HSD11B1: variants seen among roughly 807,000 people sequenced by gnomAD.
HSD11B1 encodes the protein 11-beta-hydroxysteroid dehydrogenase 1.
HSD11B1 carries 15 observed loss-of-function variants against 22.1 expected under a neutral mutation model. The ratio of observed to expected loss-of-function variants is 0.68; its 90% CI spans 0.45 to 1.04. HSD11B1 has a LOEUF of 1.04. HSD11B1 is among the 50% of genes least tolerant of loss of function. The pLI, the probability that HSD11B1 is intolerant of heterozygous loss-of-function variation, is 0.00. For missense variants in HSD11B1, 281 were observed against 357.6 expected (o/e 0.79, Z 1.73); for synonymous variants, 122 against 125.2 (o/e 0.97, Z 0.17).
At chr1:209,692,730 C>A (rs1211106086) in intron 1 of HSD11B1, among the ~76,000 whole-genome samples, 3 of 151,342 alleles carry the variant, frequency 2.0e-5, no homozygotes, top group African/African-American at 7.3e-5. Flanking sequence ...TAAAGTTTGG[C>A]CAGAAAAATC....
chr1:209,726,703 T>A (rs1319488921), intron 4 of HSD11B1, among the ~76,000 whole-genome samples: 5 of 152,232 alleles, frequency 3.3e-5, no homozygotes, highest in Non-Finnish European at 5.9e-5. Context: ...TCTTCTGCTT[T>A]CACTTTCTCT....
At position 209,690,621 on chromosome 1, in the gene HSD11B1, C is replaced by T. The variant is rs369533662; in HGVS notation, c.-49+4336C>T. 2.0e-4 allele frequency among the ~76,000 whole-genome samples: 30 copies of T among 151,988 alleles called. No individual in the cohort carries two copies. The East Asian group carries it at 3.9e-3, about 20-fold the overall frequency. ...CTGAGGCAGGAGAACCGCTTGAACCCGGAAGGCAGAGGTTGCAGGGAGCCA... is the reference window on the plus strand; with the variant it reads ...CTGAGGCAGGAGAACCGCTTGAACCTGGAAGGCAGAGGTTGCAGGGAGCCA... On this transcript the variant is annotated intron_variant, in intron 1 of 6. Transcript: ENST00000261465.
rs2076952119 is a variant in HSD11B1, at chr1:209,719,544, C to A, written c.517+12416C>A. On this transcript the variant is annotated intron_variant, in intron 4 of 5. Transcript: ENST00000367027. ...CAGTAATATGAATGTACTGAATGCC[C>A]CCGAACTGTCCGCTTAAAAATGGTT... is the stretch of plus-strand genomic sequence containing the variant. 4.6e-5 allele frequency among the ~76,000 whole-genome samples: 7 copies of A among 152,174 alleles called. 1 individual carries two copies. In the South Asian group the frequency reaches 1.5e-3, roughly 32 times the overall value.
intron 4 of HSD11B1, among the ~76,000 whole-genome samples, chr1:209,711,540 C>T (rs1275132571): frequency 6.6e-6 from 1 of 152,100 alleles, no homozygotes; most frequent in African/African-American, 2.4e-5. Context: ...TAAGCATTTA[C>T]ATGAGGGATG....
chr1:209,734,388 G>T lies in HSD11B1; in HGVS notation c.746G>T (p.Gly249Val). 1 of 1,614,136 alleles carries T rather than the reference G, an allele frequency of 6.2e-7. No individual in the cohort carries two copies. The highest frequency in any genetic ancestry group is 1.1e-5 in the South Asian group (1 of 91,078). ...TGTGCCCTGGAGATCATCAAAGGGG[G>T]AGCTCTGCGCCAAGAAGAAGTGTAT... ...EECALEIIKGGALRQEEVYYD... is the reference protein window; with the variant it reads ...EECALEIIKGVALRQEEVYYD... The change falls in exon 6 of 6, where the codon GGA (glycine) becomes GTA (valine). Residue 249 changes from glycine (G) to valine (V), a missense_variant. Transcript: ENST00000367027.
Position 209,706,024 on chromosome 1 carries a change from A to G in HSD11B1, c.219+83A>G. 1.3e-6 allele frequency: 2 copies of G among 1,562,636 alleles called. No homozygotes were observed. The highest frequency in any genetic ancestry group is 1.8e-6 in the Non-Finnish European group (2 of 1,136,100). Reference sequence around the variant, plus strand: ...ATATGCTCACATATACACAGAAGCTAGCATATCGCAGATCTATATACAGAG... The same window carrying G: ...ATATGCTCACATATACACAGAAGCTGGCATATCGCAGATCTATATACAGAG... On this transcript the variant is annotated intron_variant, in intron 2 of 5. Transcript: ENST00000367027. The surrounding 1 kb of genome is among the most constrained non-coding windows in gnomAD (Gnocchi z 4.0).
chr1:209,729,130 A>G (rs1433489025), intron 4 of HSD11B1, among the ~76,000 whole-genome samples: 2 of 152,172 alleles, frequency 1.3e-5, no homozygotes, highest in Admixed American at 6.5e-5. Context: ...AGGCCGAGGC[A>G]GGTGGATCAC....
intron 4 of HSD11B1, among the ~76,000 whole-genome samples, chr1:209,710,016 A>T (rs2076885287): frequency 6.6e-6 from 1 of 152,070 alleles, no homozygotes; most frequent in South Asian, 2.1e-4. Flanking sequence ...ATCACAAAAA[A>T]CAAAGTCCTT....
chr1:209,713,234 T>C (rs906736481), intron 4 of HSD11B1, among the ~76,000 whole-genome samples: 2 of 152,194 alleles, frequency 1.3e-5, no homozygotes, highest in African/African-American at 4.8e-5. Context: ...ACTATATATT[T>C]ATATTTATAT....
chr1:209,697,790 A>G (rs4844881), intron 1 of HSD11B1, among the ~76,000 whole-genome samples: 147,895 of 151,998 alleles, frequency 0.97, 72,093 homozygotes, highest in African/African-American at 1. Flanking sequence ...CTTAAAGCCC[A>G]CTGCCACTTC....
upstream of HSD11B1, among the ~76,000 whole-genome samples, chr1:209,700,392 C>T (rs2076819567): frequency 6.6e-6 from 1 of 152,240 alleles, no homozygotes; most frequent in South Asian, 2.1e-4. Flanking sequence ...CCCTCTGAAG[C>T]TAAAGCCTGA....
intron 1 of HSD11B1, 89 bp downstream of exon 1, chr1:209,705,119 A>G: frequency 6.8e-6 from 7 of 1,037,022 alleles, no homozygotes; most frequent in Non-Finnish European, 1.1e-5. Flanking sequence ...TGTGTTCTTG[A>G]TCCTCAAAGT....
Position 209,732,543 on chromosome 1 carries a change from T to C in HSD11B1, c.625T>C (p.Ser209Pro). The stretch of plus-strand genomic sequence containing the variant: ...ATATTCAGTGTCCAGGGTCAATGTA[T>C]CAATCACTCTCTGTGTTCTTGGCCT... ...KEYSVSRVNV[S>P]ITLCVLGLID... The change falls in exon 5 of 6, where the codon TCA becomes CCA. Residue 209 changes from serine to proline, a missense_variant. By Grantham distance (74) the Ser-to-Pro change is moderately conservative. Transcript: ENST00000367027. 1 of 1,614,006 alleles carries C rather than the reference T, an allele frequency of 6.2e-7. No individual in the cohort carries two copies. The highest frequency in any genetic ancestry group is 8.5e-7 in the Non-Finnish European group (1 of 1,179,896).
At chr1:209,731,377 C>T (rs764064606) in intron 4 of HSD11B1, among the ~76,000 whole-genome samples, 90 of 151,780 alleles carry the variant, frequency 5.9e-4, no homozygotes, top group African/African-American at 1.9e-3. Context: ...GTATCATTCA[C>T]GATATCCAGG....
chr1:209,694,349 G>A (rs910961415), intron 1 of HSD11B1, among the ~76,000 whole-genome samples: 1 of 152,168 alleles, frequency 6.6e-6, no homozygotes, highest in East Asian at 1.9e-4. Flanking sequence ...AATGGTCTCT[G>A]CCTTCCCAGA....
rs183655528 is a variant in HSD11B1, at chr1:209,726,205, C to T, written c.518-6231C>T. 9.0e-3 allele frequency among the ~76,000 whole-genome samples: 1,238 copies of T among 137,308 alleles called. 12 individuals are homozygous for T. Among genetic ancestry groups the T allele is most frequent in the African/African-American group, 0.03 (1,124 of 37,506 alleles). The allele number at this position is 137,308 out of a possible 152,430, so 90.1% of individuals were successfully genotyped here. On this transcript the variant is annotated intron_variant, in intron 4 of 5. Coordinates refer to ENST00000367027, the MANE Select transcript of HSD11B1 (RefSeq NM_005525.4). ...CTGAGGCAGGAGAATCACTTGAACC[C>T]GGGAGGCGTAGGTTGCAGTGAGCCA...
rs184984909 is a variant in HSD11B1, at chr1:209,726,969, G to T, written c.518-5467G>T. Reference sequence around the variant, plus strand: ...CTAGGGGTGTGTAGTGGGCTGAATGGTGGTCCTCCCCCAAAAGATATATCC... The same window carrying T: ...CTAGGGGTGTGTAGTGGGCTGAATGTTGGTCCTCCCCCAAAAGATATATCC... On this transcript the variant is annotated intron_variant, in intron 4 of 5. Coordinates refer to ENST00000367027, the MANE Select transcript of HSD11B1 (RefSeq NM_005525.4). Among the ~76,000 whole-genome samples, 403 of 152,270 alleles carry T rather than the reference G, an allele frequency of 2.6e-3. 1 individual carries two copies. Among genetic ancestry groups the T allele is most frequent in the African/African-American group, 9.2e-3 (381 of 41,538 alleles).
chr1:209,724,776 A>C lies in HSD11B1; in HGVS notation c.518-7660A>C, dbSNP rs138348779. On this transcript the variant is annotated intron_variant, in intron 4 of 5. Transcript: ENST00000367027. ...ATTATGTGGAAAAATGTTTAAGAAC[A>C]CACTTGTGAATAGAAATAGGCTTTA... 7.7e-3 allele frequency among the ~76,000 whole-genome samples: 1,172 copies of C among 152,334 alleles called. 22 individuals carry two copies. The highest frequency in any genetic ancestry group is 0.027 in the African/African-American group (1,125 of 41,572).
intron 1 of HSD11B1, among the ~76,000 whole-genome samples, chr1:209,696,199 G>A (rs1329796204): frequency 3.3e-5 from 5 of 152,340 alleles, no homozygotes; most frequent in Middle Eastern, 3.4e-3. Flanking sequence ...GCTGGGGGTG[G>A]AAACAGGGAG....
Sources: allele counts gnomAD v4.1 joint callset (sites outside exome capture counted in the v4.1 genomes callset), GRCh38; gene constraint gnomAD v4.1.1; non-coding constraint Gnocchi (gnomAD v3.1); transcripts MANE v1.5; gene names NCBI Gene and HGNC (gene_info 2026-07-23, HGNC 2026-07-21).